Variants in PCDHA6 observed in about 807,000 individuals in gnomAD.
PCDHA6 encodes the protein protocadherin alpha-6.
PCDHA6 carries 55 observed loss-of-function variants against 60.3 expected under a neutral mutation model. The observed-to-expected ratio is 0.91, with a 90% CI of 0.73 to 1.14. The LOEUF is 1.14. PCDHA6 is among the 50% of genes most tolerant of loss of function. PCDHA6 has a pLI of 0.00. For missense variants in PCDHA6, 1,327 were observed against 1,256.5 expected (o/e 1.06, Z -0.85); for synonymous variants, 652 against 557.9 (o/e 1.17, Z -2.38).
chr5:140,834,172 G>C (rs114972611), intron 1 of PCDHA6: 25 of 551,148 alleles, frequency 4.5e-5, no homozygotes, highest in Non-Finnish European at 5.7e-5. Flanking sequence ...TTACTTACAT[G>C]ATGGCCACAT....
At chr5:140,876,082 C>A in intron 1 of PCDHA6, 1 of 1,613,932 alleles carries the variant, frequency 6.2e-7, no homozygotes, top group Non-Finnish European at 8.5e-7. Context: ...GGACAGAGAG[C>A]AAACGCCAAA....
In PCDHA6 at chr5:141,009,914, A is replaced by T; in HGVS notation, c.2830A>T (p.Thr944Ser). The change falls in exon 4 of 4, where the codon ACG (threonine) becomes TCG (serine). Residue 944 changes from threonine (T) to serine (S), a missense_variant. Thr to Ser is a moderately conservative substitution (Grantham distance 58). Coordinates refer to ENST00000529310, the MANE Select transcript of PCDHA6 (RefSeq NM_018909.4). ...GGAGAAAAAAGAGAAAGGGAACAGCACGACTGACAACAGTGACCAGTGAGG... is the reference window on the plus strand; with the variant it reads ...GGAGAAAAAAGAGAAAGGGAACAGCTCGACTGACAACAGTGACCAGTGAGG... ...TQEKKEKGNSTTDNSDQ is the reference protein window; with the variant it reads ...TQEKKEKGNSSTDNSDQ The T allele has an allele frequency of 6.2e-7, 1 of 1,611,466 alleles. No homozygotes were observed. The highest frequency in any genetic ancestry group is 8.5e-7 in the Non-Finnish European group (1 of 1,179,328).
intron 1 of PCDHA6, chr5:140,871,318 G>A (rs546803828): frequency 9.9e-6 from 16 of 1,614,072 alleles, no homozygotes; most frequent in Middle Eastern, 1.7e-4. Context: ...GCCCACGCTG[G>A]TGTGCTCCCG....
intron 1 of PCDHA6, chr5:140,929,259 G>A (rs782558603): frequency 4.7e-5 from 76 of 1,612,754 alleles, no homozygotes; most frequent in Non-Finnish European, 6.2e-5. Context: ...GGGTAGGACT[G>A]AATTTGCCAA....
chr5:140,908,904 G>A (rs1467772032), intron 1 of PCDHA6, among the ~76,000 whole-genome samples: 2 of 152,194 alleles, frequency 1.3e-5, no homozygotes, highest in Non-Finnish European at 1.5e-5. Flanking sequence ...AGCCTCTTTC[G>A]TGGTTGTAGG....
At chr5:140,876,980 C>T (rs782646541) in intron 1 of PCDHA6, 18 of 1,612,542 alleles carry the variant, frequency 1.1e-5, no homozygotes, top group Admixed American at 1.7e-5. Flanking sequence ...GGCGAGCACG[C>T]ACTGTCGAGC....
intron 1 of PCDHA6, among the ~76,000 whole-genome samples, chr5:140,907,242 T>A (rs532344223): frequency 6.6e-6 from 1 of 152,328 alleles, no homozygotes; most frequent in African/African-American, 2.4e-5. Flanking sequence ...TAGTTGACAT[T>A]GTAATTGTGA....
chr5:140,833,206 T>C (rs1215291957), intron 1 of PCDHA6, among the ~76,000 whole-genome samples: 2 of 151,926 alleles, frequency 1.3e-5, no homozygotes, highest in African/African-American at 4.8e-5. Context: ...GAGAATGAAA[T>C]AGGAATGGAC....
chr5:140,879,973 C>T (rs1554171113), intron 1 of PCDHA6, among the ~76,000 whole-genome samples: 1 of 152,200 alleles, frequency 6.6e-6, no homozygotes, highest in East Asian at 1.9e-4. Context: ...GGATAAACTC[C>T]TTTCAAGATC....
intron 1 of PCDHA6, among the ~76,000 whole-genome samples, chr5:140,943,064 C>T (rs1352675515): frequency 1.3e-5 from 2 of 151,818 alleles, no homozygotes; most frequent in African/African-American, 4.8e-5. Context: ...CAAGAACAGC[C>T]TGACCAACAT....
At chr5:140,927,612 C>T (rs781873236) in intron 1 of PCDHA6, 12 of 1,614,172 alleles carry the variant, frequency 7.4e-6, no homozygotes, top group Non-Finnish European at 8.5e-6. Context: ...TATACCGCAC[C>T]AAGGTTCCAG....
At chr5:140,862,316 C>G (rs2047308112) in intron 1 of PCDHA6, 1 of 317,936 alleles carries the variant, frequency 3.1e-6, no homozygotes, top group Non-Finnish European at 6.2e-6. Context: ...CGTCATAGCC[C>G]TAATCAGTGT....
chr5:140,982,475 C>T lies in PCDHA6; in HGVS notation c.2454C>T (p.Ser818=). The change falls in exon 3 of 4, where the codon AGC becomes AGT. Residue 818 remains serine, a splice_region_variant and synonymous_variant. Coordinates refer to ENST00000529310, the MANE Select transcript of PCDHA6 (RefSeq NM_018909.4). ...TATCTGGGTCTGTGTGTTTATTCAG[C>T]TCTGTGCACCTAGAGGAGGCTGGCA... The part of the protein sequence containing the change: ...YSASLRAGMH[S]SVHLEEAGIL... 1 of 1,614,154 alleles carries T rather than the reference C, an allele frequency of 6.2e-7. No homozygotes were observed. Among genetic ancestry groups the T allele is most frequent in the African/African-American group, 1.3e-5 (1 of 75,040 alleles).
intron 1 of PCDHA6, chr5:140,927,933 C>T (rs1273187123): frequency 1.9e-6 from 3 of 1,614,090 alleles, no homozygotes; most frequent in African/African-American, 2.7e-5. Context: ...CTCTTTCGAA[C>T]CCAGTACCTG....
chr5:140,922,465 T>G (rs116670359), intron 1 of PCDHA6, among the ~76,000 whole-genome samples: 1 of 152,190 alleles, frequency 6.6e-6, no homozygotes, highest in African/African-American at 2.4e-5. Flanking sequence ...CAACACAAAA[T>G]AGGAGAGAAG....
chr5:140,895,515 G>A (rs2065042106), intron 1 of PCDHA6, among the ~76,000 whole-genome samples: 1 of 151,948 alleles, frequency 6.6e-6, no homozygotes, highest in Non-Finnish European at 1.5e-5. Flanking sequence ...ATTTTTAATT[G>A]GTTTATTCGT....
At chr5:140,876,282 C>T (rs1227830598) in intron 1 of PCDHA6, 3 of 1,613,872 alleles carry the variant, frequency 1.9e-6, no homozygotes, top group Admixed American at 1.7e-5. Flanking sequence ...CCGATCCAGA[C>T]GAAGGACTTA....
intron 2 of PCDHA6, among the ~76,000 whole-genome samples, chr5:140,979,916 A>C (rs369427870): frequency 4.1e-4 from 63 of 152,376 alleles, no homozygotes; most frequent in African/African-American, 1.4e-3. Context: ...CGTAAAGAGA[A>C]AGCCTACAAA....
At chr5:140,973,328 C>T (rs1315251124) in intron 1 of PCDHA6, among the ~76,000 whole-genome samples, 1 of 152,114 alleles carries the variant, frequency 6.6e-6, no homozygotes, top group Non-Finnish European at 1.5e-5. Flanking sequence ...AGTTTACACT[C>T]GTTGTAAAGT....
Sources: gnomAD v4.1 joint callset for allele counts (sites outside exome capture counted in the v4.1 genomes callset) on GRCh38, gnomAD v4.1.1 for gene constraint, MANE v1.5 for transcripts, NCBI Gene and HGNC (gene_info 2026-07-23, HGNC 2026-07-21) for gene names.